The following KIF20B variants were observed in gnomAD, a reference collection of about 807,000 sequenced individuals.
The protein encoded by KIF20B is kinesin family member 20B, also known as kinesin-like protein KIF20B.
Under a neutral mutation model 232.5 loss-of-function variants are expected in KIF20B, and 188 were observed. That is an observed-to-expected ratio of 0.81 (90% CI 0.72 to 0.91). KIF20B has a LOEUF of 0.91. Ranked by LOEUF, KIF20B falls within the 40% of genes least tolerant of loss-of-function variation. KIF20B has a pLI of 0.00. For synonymous variants in KIF20B, 712 were observed against 683.0 expected (o/e 1.04, Z -0.66); for missense variants, 2,154 against 2,055.9 (o/e 1.05, Z -0.92).
intron 29 of KIF20B, chr10:89,766,319 G>C (rs1842357980): frequency 6.5e-6 from 1 of 153,680 alleles, no homozygotes; most frequent in Non-Finnish European, 1.4e-5. Context: ...ATGGAACAAA[G>C]CTGGAAGGAG....
At chr10:89,730,238 T>C (rs1456346647) in intron 18 of KIF20B, among the ~76,000 whole-genome samples, 2 of 152,172 alleles carry the variant, frequency 1.3e-5, no homozygotes, top group Non-Finnish European at 2.9e-5. Context: ...CTGGGAGAAA[T>C]ATCCTAATAT....
chr10:89,721,679 G>A (rs1264343422), intron 13 of KIF20B, among the ~76,000 whole-genome samples: 2 of 151,040 alleles, frequency 1.3e-5, no homozygotes, highest in East Asian at 3.9e-4. Flanking sequence ...TAAAAACAAA[G>A]AAACAAACCA....
chr10:89,719,306 A>G (rs1842998878), intron 12 of KIF20B, 113 bp from the exon 13 acceptor site: 1 of 720,346 alleles, frequency 1.4e-6, no homozygotes, highest in Non-Finnish European at 2.2e-6. Flanking sequence ...TTGTTTGAAT[A>G]GTTTTTCCTT....
intron 13 of KIF20B, among the ~76,000 whole-genome samples, chr10:89,721,316 C>T (rs929939923): frequency 7.2e-5 from 11 of 152,060 alleles, no homozygotes; most frequent in Admixed American, 1.3e-4. Flanking sequence ...GTGATTAGAC[C>T]GTGTTACTTG....
intron 29 of KIF20B, among the ~76,000 whole-genome samples, chr10:89,764,565 C>T (rs1236262059): frequency 6.6e-6 from 1 of 152,162 alleles, no homozygotes; most frequent in African/African-American, 2.4e-5. Context: ...CTGTTGTTCC[C>T]TGACTTTTTA....
intron 31 of KIF20B, among the ~76,000 whole-genome samples, chr10:89,771,319 C>G (rs905134151): frequency 3.3e-5 from 5 of 152,162 alleles, no homozygotes; most frequent in Admixed American, 3.3e-4. Flanking sequence ...GACAAAATGT[C>G]TGTCTAGTTC....
At chr10:89,726,095 C>T (rs1414395598) in intron 15 of KIF20B, among the ~76,000 whole-genome samples, 198 bp from the exon 16 acceptor site, 8 of 152,068 alleles carry the variant, frequency 5.3e-5, no homozygotes, top group Non-Finnish European at 1.0e-4. Context: ...CGAAAATATG[C>T]CTCATGGTCC....
rs138772455 is a variant in KIF20B, at chr10:89,756,973, A to G, written c.4504-1733A>G. Among the ~76,000 whole-genome samples, 690 of 150,532 alleles carry G rather than the reference A, an allele frequency of 4.6e-3. 3 individuals carry two copies. Among genetic ancestry groups the G allele is most frequent in the African/African-American group, 0.016 (662 of 41,030 alleles). ...TTGGCTGTTATGAATAAATTTTCCT[A>G]TAAACATTTTTATACATTTGTTTTG... On this transcript the variant is annotated intron_variant, in intron 26 of 32. Transcript: ENST00000371728.
chr10:89,762,573 A>T, intron 28 of KIF20B, 65 bp from the exon 29 acceptor site: 1 of 1,238,580 alleles, frequency 8.1e-7, no homozygotes, highest in Non-Finnish European at 1.1e-6. Flanking sequence ...TGAGAGAATT[A>T]ATTCTTTGTG....
intron 6 of KIF20B, 117 bp downstream of exon 6, chr10:89,711,262 T>C (rs1842832754): frequency 3.5e-6 from 2 of 578,528 alleles, no homozygotes; most frequent in Non-Finnish European, 5.5e-6. Context: ...TTTGTTATTA[T>C]TTATGTTTTC....
Position 89,760,559 on chromosome 10 carries a change from A to G in KIF20B, c.4714A>G (p.Ile1572Val). The change falls in exon 28 of 33, where the codon ATT becomes GTT. Residue 1572 changes from isoleucine (I) to valine (V), a missense_variant. Coordinates refer to ENST00000371728, the MANE Select transcript of KIF20B (RefSeq NM_001284259.2). ...TQIMDIKPKR[I>V]SSADPDKLQT... is the part of the protein sequence containing the mutation. ...AATCATGGATATCAAGCCCAAACGT[A>G]TTAGTTCAGCAGATCCTGACAAACT... is the stretch of plus-strand genomic sequence containing the variant. The G allele has an allele frequency of 6.2e-7, 1 of 1,613,032 alleles. No individual in the cohort carries two copies. Among genetic ancestry groups the G allele is most frequent in the Non-Finnish European group, 8.5e-7 (1 of 1,179,222 alleles).
At chr10:89,772,857 A>G (rs1842492650) in intron 32 of KIF20B, 26 bp downstream of exon 32, 1 of 1,562,316 alleles carries the variant, frequency 6.4e-7, no homozygotes, top group South Asian at 1.2e-5. Context: ...TGTTTTCATC[A>G]ATGTAGAACT....
At chr10:89,721,757 T>A (rs1843062820) in intron 13 of KIF20B, among the ~76,000 whole-genome samples, 1 of 152,182 alleles carries the variant, frequency 6.6e-6, no homozygotes, top group African/African-American at 2.4e-5. Context: ...GTAAAATTTC[T>A]GAAATTACTA....
At chr10:89,749,819 C>A (rs1841989139) in intron 23 of KIF20B, among the ~76,000 whole-genome samples, 2 of 152,048 alleles carry the variant, frequency 1.3e-5, no homozygotes, top group Admixed American at 1.3e-4. Context: ...CCACTTTTGG[C>A]TTTTATGAAC....
At chr10:89,773,237 A>G (rs1032933273) in intron 32 of KIF20B, among the ~76,000 whole-genome samples, 2 of 151,992 alleles carry the variant, frequency 1.3e-5, no homozygotes, top group African/African-American at 4.8e-5. Context: ...TTGAGGATCT[A>G]TTAGGAAGAG....
chr10:89,715,144 G>T lies in KIF20B; in HGVS notation c.902G>T (p.Arg301Leu), dbSNP rs755790468. Reference protein sequence around the residue: ...SSKFQKRKMLRLSQDVKGYSF... With the variant: ...SSKFQKRKMLLLSQDVKGYSF... Reference sequence around the variant, plus strand: ...AAATTCCAAAAGAGAAAGATGCTGCGCCTTTCCCAAGACGTAAAGGGCTAT... The same window carrying T: ...AAATTCCAAAAGAGAAAGATGCTGCTCCTTTCCCAAGACGTAAAGGGCTAT... Residue 301 changes from arginine (R) to leucine (L), a missense_variant, in exon 8 of 33, where the codon CGC (arginine) becomes CTC (leucine). Physicochemically the swap from Arg to Leu is moderately radical, Grantham distance 102 (BLOSUM62 -2). Coordinates refer to ENST00000371728, the MANE Select transcript of KIF20B (RefSeq NM_001284259.2). 4 of 1,604,908 alleles carry T rather than the reference G, an allele frequency of 2.5e-6. No homozygotes were observed. The Admixed American group carries it at 6.8e-5, about 27-fold the overall frequency.
Position 89,752,697 on chromosome 10 carries a change from A to C in KIF20B, c.4347+6A>C. 6.5e-7 allele frequency: 1 copy of C among 1,529,686 alleles called. No individual in the cohort carries two copies. The highest frequency in any genetic ancestry group is 8.8e-7 in the Non-Finnish European group (1 of 1,141,132). 94.8% of individuals were successfully genotyped at this position (1,529,686 alleles called of 1,614,324 possible). A position where few individuals can be genotyped will look rare whatever the true frequency, so the allele number is the denominator to read the frequency against. On this transcript the variant is annotated splice_donor_region_variant and intron_variant, in intron 25 of 32. Transcript: ENST00000371728. ...ATCTTCAAGATGAGTTACAGGTATG[A>C]CTTTATGTATGTTTTTATGTATGAA...
intron 2 of KIF20B, among the ~76,000 whole-genome samples, chr10:89,707,543 C>A (rs1282738610): frequency 6.6e-6 from 1 of 150,456 alleles, no homozygotes; most frequent in Non-Finnish European, 1.5e-5. Flanking sequence ...CCTCTCCCCT[C>A]CACTTCTTTC....
At chr10:89,744,459 A>G (rs1046152349) in intron 22 of KIF20B, among the ~76,000 whole-genome samples, 2 of 152,224 alleles carry the variant, frequency 1.3e-5, no homozygotes, top group Non-Finnish European at 2.9e-5. Context: ...TAATAGTAGT[A>G]TACCAATGTT....
Sources: allele counts gnomAD v4.1 joint callset (sites outside exome capture counted in the v4.1 genomes callset), GRCh38; gene constraint gnomAD v4.1.1; transcripts MANE v1.5; gene names NCBI Gene and HGNC (gene_info 2026-07-23, HGNC 2026-07-21).